The following CENPK variants were observed in gnomAD, a reference collection of about 807,000 sequenced individuals.
The protein encoded by CENPK is centromere protein K.
A neutral mutation model predicts 40.9 loss-of-function variants in CENPK; 46 were observed. The observed-to-expected ratio is 1.13, with a 90% CI of 0.89 to 1.44. CENPK has a LOEUF of 1.44. CENPK is among the 40% of genes most tolerant of loss of function. The probability of loss-of-function intolerance (pLI) is 0.00; values close to 1 mark genes in which losing one functional copy is unlikely to be tolerated. For synonymous variants in CENPK, 107 were observed against 104.4 expected (o/e 1.02, Z -0.15); for missense variants, 288 against 303.5 (o/e 0.95, Z 0.38).
At chr5:65,545,492 A>G (rs914189296) in intron 5 of CENPK, among the ~76,000 whole-genome samples, 1 of 152,114 alleles carries the variant, frequency 6.6e-6, no homozygotes, top group Non-Finnish European at 1.5e-5. Context: ...ACAACCCTGA[A>G]TTGCACATCC....
At chr5:65,495,716 ACGAT>A in the CENPK span, among the ~76,000 whole-genome samples, 13 of 152,232 alleles carry the variant, frequency 8.5e-5, no homozygotes, top group Non-Finnish European at 1.5e-4. Flanking sequence ...TTCTAGAATA[ACGAT>A]CAAGGAAACA....
intron 6 of CENPK, among the ~76,000 whole-genome samples, chr5:65,531,330 C>T (rs1745770367): frequency 6.7e-6 from 1 of 150,374 alleles, no homozygotes; most frequent in South Asian, 2.1e-4. Context: ...ATCAATGGGT[C>T]AAAGAAGCAA....
intron 2 of CENPK, among the ~76,000 whole-genome samples, chr5:65,558,407 G>A (rs183346667): frequency 3.0e-4 from 46 of 152,306 alleles, no homozygotes; most frequent in African/African-American, 1.0e-3. Flanking sequence ...ATTTTAATGG[G>A]AGGGTCATCA....
intron 3 of CENPK, 116 bp from the exon 4 acceptor site, chr5:65,552,665 T>C (rs1424944662): frequency 1.9e-6 from 1 of 519,410 alleles, no homozygotes; most frequent in South Asian, 3.4e-5. Flanking sequence ...AAACATCTGA[T>C]GGAGAAGAGT....
intron 3 of CENPK, 68 bp from the exon 4 acceptor site, chr5:65,552,617 C>CT: frequency 2.3e-6 from 2 of 857,140 alleles, no homozygotes; most frequent in Non-Finnish European, 3.6e-6. Flanking sequence ...TTCCCCTCTC[C>CT]TTTTCTACCA....
intron 6 of CENPK, among the ~76,000 whole-genome samples, chr5:65,541,924 T>C (rs1748052203): frequency 2.0e-5 from 3 of 152,252 alleles, no homozygotes; most frequent in Admixed American, 2.0e-4. Context: ...TAAAAATTTA[T>C]TTCTCACAAT....
chr5:65,548,982 G>A (rs1273216979), intron 5 of CENPK, among the ~76,000 whole-genome samples: 1 of 152,144 alleles, frequency 6.6e-6, no homozygotes, highest in East Asian at 1.9e-4. Flanking sequence ...ATACTTTCCA[G>A]AAGGTTTCAA....
At chr5:65,526,471 G>C (rs886323485) in intron 9 of CENPK, among the ~76,000 whole-genome samples, 4 of 152,092 alleles carry the variant, frequency 2.6e-5, no homozygotes, top group African/African-American at 9.7e-5. Context: ...AAAACAAACA[G>C]AACTTTTTCT....
intron 5 of CENPK, among the ~76,000 whole-genome samples, chr5:65,550,198 A>AAT (rs1749732516): frequency 7.0e-6 from 1 of 142,028 alleles, no homozygotes; most frequent in Non-Finnish European, 1.5e-5. Flanking sequence ...AAAAAAAAAA[A>AAT]ATTTTCCTTT....
chr5:65,520,050 T>C (rs1171529973), intron 10 of CENPK, among the ~76,000 whole-genome samples: 3 of 152,198 alleles, frequency 2.0e-5, no homozygotes. Context: ...CCAAATCTCA[T>C]ATTGAAATGT....
intron 6 of CENPK, among the ~76,000 whole-genome samples, chr5:65,531,300 C>T (rs1745765367): frequency 6.6e-6 from 1 of 151,548 alleles, no homozygotes; most frequent in South Asian, 2.1e-4. Flanking sequence ...ATTTGGATAC[C>T]AAAAACATAC....
chr5:65,545,570 T>G (rs1300889290), intron 5 of CENPK, among the ~76,000 whole-genome samples: 1 of 151,940 alleles, frequency 6.6e-6, no homozygotes, highest in Non-Finnish European at 1.5e-5. Context: ...ACTACGACAA[T>G]TTGTCACCAG....
Position 65,542,792 on chromosome 5 carries a change from A to G in CENPK, c.288+10T>C, listed in dbSNP as rs376031384. On this transcript the variant is annotated intron_variant, in intron 6 of 10. Transcript: ENST00000396679. ...ATTTGGGGTCACTACAAATTCATTG[A>G]GTGGCTTACCTCTTCTTTTCCTAAT... 8.1e-6 allele frequency: 13 copies of G among 1,600,176 alleles called. No individual in the cohort carries two copies. In the East Asian group the frequency reaches 2.5e-4, roughly 30 times the overall value.
At chr5:65,531,890 C>T (rs1046739431) in intron 6 of CENPK, among the ~76,000 whole-genome samples, 4 of 151,964 alleles carry the variant, frequency 2.6e-5, no homozygotes, top group African/African-American at 9.7e-5. Context: ...AAATAAAACC[C>T]ACAGTAAGTT....
At chr5:65,526,197 C>CA (rs1274496758) in intron 9 of CENPK, among the ~76,000 whole-genome samples, 3 of 150,462 alleles carry the variant, frequency 2.0e-5, no homozygotes, top group African/African-American at 7.4e-5. Flanking sequence ...GCAACAGCAA[C>CA]AAAAAAATGT....
At chr5:65,521,735 T>C (rs1278858334) in intron 9 of CENPK, among the ~76,000 whole-genome samples, 2 of 151,958 alleles carry the variant, frequency 1.3e-5, no homozygotes, top group Non-Finnish European at 2.9e-5. Flanking sequence ...CGAGTAGCTG[T>C]GATTACAGGC....
chr5:65,526,973 G>T (rs191138081), intron 9 of CENPK, among the ~76,000 whole-genome samples: 8 of 152,144 alleles, frequency 5.3e-5, no homozygotes, highest in Non-Finnish European at 8.8e-5. Context: ...CGCGTTTGTA[G>T]TCCCATCTAC....
chr5:65,515,221 T>TTTTTTTTA (rs1580853077), downstream of CENPK, among the ~76,000 whole-genome samples: 1 of 149,388 alleles, frequency 6.7e-6, no homozygotes, highest in African/African-American at 2.5e-5. Flanking sequence ...TTTTTTTTTT[T>TTTTTTTTA]GAGACGGAGT....
chr5:65,506,814 T>G, the CENPK span, among the ~76,000 whole-genome samples: 51,258 of 151,972 alleles, frequency 0.34, 9,268 homozygotes, highest in East Asian at 0.58. Context: ...TAAAATAAAT[T>G]TGTTTTTTCA....
Sources: allele counts gnomAD v4.1 joint callset (sites outside exome capture counted in the v4.1 genomes callset), GRCh38; gene constraint gnomAD v4.1.1; transcripts MANE v1.5; gene names NCBI Gene and HGNC (gene_info 2026-07-23, HGNC 2026-07-21).